ZNF423: variants seen among roughly 807,000 people sequenced by gnomAD.
The protein encoded by ZNF423 is Ebf-associated zinc finger protein.
A neutral mutation model predicts 95.8 loss-of-function variants in ZNF423; 12 were observed. That is an observed-to-expected ratio of 0.13 (90% confidence interval 0.08 to 0.20). The LOEUF is 0.20. Ranked by LOEUF, ZNF423 falls within the 10% of genes least tolerant of loss-of-function variation. The pLI, the probability that ZNF423 is intolerant of heterozygous loss-of-function variation, is 1.00. For missense variants in ZNF423, 1,316 were observed against 1,737.1 expected (o/e 0.76, Z 4.31); for synonymous variants, 749 against 711.9 (o/e 1.05, Z -0.83).
At chr16:49,854,306 G>T (rs956605929) in intron 1 of ZNF423, 1 of 985,264 alleles carries the variant, frequency 1.0e-6, no homozygotes, top group South Asian at 4.7e-5. Flanking sequence ...CTAATATGAC[G>T]GGGAGGATCT....
chr16:49,789,358 T>C (rs2034371593), intron 2 of ZNF423, 129 bp downstream of exon 2: 1 of 772,708 alleles, frequency 1.3e-6, no homozygotes, highest in African/African-American at 1.8e-5. Flanking sequence ...TTGCATGGGG[T>C]AGTCTGGATT....
chr16:49,546,235 A>C (rs1039182127), intron 5 of ZNF423, among the ~76,000 whole-genome samples: 1 of 152,144 alleles, frequency 6.6e-6, no homozygotes. Flanking sequence ...AAACAAACAA[A>C]AGTTAACATT....
At chr16:49,611,633 T>C (rs1010565160) in intron 5 of ZNF423, among the ~76,000 whole-genome samples, 1 of 151,480 alleles carries the variant, frequency 6.6e-6, no homozygotes, top group Non-Finnish European at 1.5e-5. Context: ...CAGAAAATAA[T>C]AAGGAAAAGA....
chr16:49,783,795 C>A lies in ZNF423; in HGVS notation c.100+5692G>T, dbSNP rs979155596. ...GATCATCCTGGCCAACATGGTGAAA[C>A]CCCGTCTCTACTAAAAATATAAAAA... On this transcript the variant is annotated intron_variant, in intron 2 of 7. Transcript: ENST00000563137. Among the ~76,000 whole-genome samples, 3 of 151,954 alleles carry A rather than the reference C, an allele frequency of 2.0e-5. No individual in the cohort carries two copies. In the East Asian group the frequency reaches 5.8e-4, roughly 30 times the overall value.
chr16:49,642,592 C>T (rs1161625038), intron 3 of ZNF423, among the ~76,000 whole-genome samples: 1 of 152,158 alleles, frequency 6.6e-6, no homozygotes. Context: ...GGCATGTTGA[C>T]ATATAAAGTC....
intron 5 of ZNF423, among the ~76,000 whole-genome samples, chr16:49,555,310 G>A (rs1227156260): frequency 6.6e-6 from 1 of 152,182 alleles, no homozygotes; most frequent in African/African-American, 2.4e-5. Flanking sequence ...CAGTAATTCA[G>A]TTCAGGCTGT....
chr16:49,520,705 G>C (rs1968361876), intron 7 of ZNF423, among the ~76,000 whole-genome samples: 1 of 152,122 alleles, frequency 6.6e-6, no homozygotes, highest in African/African-American at 2.4e-5. Context: ...CAAACCCCCA[G>C]CTCATTCCAA....
chr16:49,598,283 C>T (rs1971247301), intron 5 of ZNF423, among the ~76,000 whole-genome samples: 1 of 152,250 alleles, frequency 6.6e-6, no homozygotes, highest in South Asian at 2.1e-4. Flanking sequence ...CCTCCATTTC[C>T]TCATCTGTCA....
chr16:49,543,637 C>G (rs755216634), intron 5 of ZNF423, among the ~76,000 whole-genome samples: 4 of 152,290 alleles, frequency 2.6e-5, no homozygotes, highest in Non-Finnish European at 4.4e-5. Context: ...AATGGGGCGC[C>G]TGGCGGGTGG....
At chr16:49,809,659 C>T (rs1363344071) in intron 1 of ZNF423, among the ~76,000 whole-genome samples, 5 of 152,326 alleles carry the variant, frequency 3.3e-5, no homozygotes, top group African/African-American at 9.6e-5. Flanking sequence ...TAGCAGACCA[C>T]ATGCTGGCTC....
At chr16:49,520,733 G>T (rs561287189) in intron 7 of ZNF423, among the ~76,000 whole-genome samples, 9 of 152,258 alleles carry the variant, frequency 5.9e-5, no homozygotes, top group Admixed American at 2.6e-4. Context: ...CAGCACACTT[G>T]CCTGTTCCAC....
At chr16:49,610,285 CCTTCT>C (rs1405013233) in intron 5 of ZNF423, among the ~76,000 whole-genome samples, 1 of 152,096 alleles carries the variant, frequency 6.6e-6, no homozygotes, top group Non-Finnish European at 1.5e-5. Flanking sequence ...CACTAATTCC[CCTTCT>C]CTTCTTGAGT....
intron 3 of ZNF423, among the ~76,000 whole-genome samples, chr16:49,728,113 CA>C (rs1342671600): frequency 6.6e-6 from 1 of 152,184 alleles, no homozygotes; most frequent in Non-Finnish European, 1.5e-5. Flanking sequence ...CACACCACAC[CA>C]TAGCCCCAGA....
At chr16:49,767,650 C>T (rs928025889) in intron 2 of ZNF423, among the ~76,000 whole-genome samples, 12 of 152,210 alleles carry the variant, frequency 7.9e-5, no homozygotes, top group Non-Finnish European at 2.9e-5. Context: ...CAAGTTCCCA[C>T]TGAGTTAGGC....
chr16:49,832,492 C>T (rs2035071335), intron 1 of ZNF423, among the ~76,000 whole-genome samples: 1 of 151,984 alleles, frequency 6.6e-6, no homozygotes, highest in South Asian at 2.1e-4. Flanking sequence ...GAACTCACAG[C>T]CACTGGGGCA....
At chr16:49,562,348 TC>T (rs1273974100) in intron 5 of ZNF423, among the ~76,000 whole-genome samples, 2 of 152,198 alleles carry the variant, frequency 1.3e-5, no homozygotes, top group Non-Finnish European at 2.9e-5. Flanking sequence ...CCCTTTATCA[TC>T]ATCTGTAAAA....
intron 5 of ZNF423, among the ~76,000 whole-genome samples, chr16:49,550,563 C>T (rs1248736709): frequency 1.3e-5 from 2 of 152,262 alleles, no homozygotes; most frequent in African/African-American, 4.8e-5. Flanking sequence ...CCCAGGCCTC[C>T]AGCTCTCTTT....
At chr16:49,744,540 G>T (rs952349326) in intron 2 of ZNF423, among the ~76,000 whole-genome samples, 3 of 152,316 alleles carry the variant, frequency 2.0e-5, no homozygotes, top group South Asian at 4.1e-4. Context: ...GCCAGCCAGG[G>T]TGTCCCCAGC....
At chr16:49,630,646 T>C (rs575906140) in intron 4 of ZNF423, among the ~76,000 whole-genome samples, 2 of 152,194 alleles carry the variant, frequency 1.3e-5, no homozygotes, top group African/African-American at 4.8e-5. Context: ...CCATGGCTGG[T>C]CCAGAGGCAT....
Sources: allele counts gnomAD v4.1 joint callset (sites outside exome capture counted in the v4.1 genomes callset), GRCh38; gene constraint gnomAD v4.1.1; transcripts MANE v1.5; gene names NCBI Gene and HGNC (gene_info 2026-07-23, HGNC 2026-07-21).